Variants in RFTN1 observed in about 807,000 individuals in gnomAD.
The protein encoded by RFTN1 is raftlin.
RFTN1 carries 26 observed loss-of-function variants against 46.5 expected under a neutral mutation model. The ratio of observed to expected loss-of-function variants is 0.56; its 90% CI spans 0.41 to 0.78. RFTN1 has a LOEUF of 0.78. RFTN1 is among the 30% of genes least tolerant of loss of function. The probability of loss-of-function intolerance (pLI) is 0.00; values close to 1 mark genes in which losing one functional copy is unlikely to be tolerated. For missense variants in RFTN1, 693 were observed against 718.7 expected, an observed-to-expected ratio of 0.96 and a Z score of 0.41; for synonymous variants, 261 against 284.2, an observed-to-expected ratio of 0.92 and a Z score of 0.82.
At chr3:16,454,458 T>C (rs1018055928) in intron 2 of RFTN1, among the ~76,000 whole-genome samples, 1 of 152,102 alleles carries the variant, frequency 6.6e-6, no homozygotes, top group African/African-American at 2.4e-5. Flanking sequence ...CCAGGGCCAT[T>C]GACTTGTTTG....
intron 2 of RFTN1, among the ~76,000 whole-genome samples, chr3:16,445,319 C>T (rs766815536): frequency 2.6e-5 from 4 of 151,942 alleles, no homozygotes; most frequent in Non-Finnish European, 5.9e-5. Flanking sequence ...GAGAGAGAGA[C>T]AAAAAGGAGA....
intron 5 of RFTN1, 42 bp downstream of exon 5, chr3:16,377,676 G>A: frequency 6.5e-7 from 1 of 1,532,300 alleles, no homozygotes; most frequent in Non-Finnish European, 8.8e-7. Flanking sequence ...GCTGTTAGCT[G>A]CTCTTTAAGT....
At chr3:16,347,161 C>T (rs991950043) in intron 7 of RFTN1, among the ~76,000 whole-genome samples, 2 of 152,208 alleles carry the variant, frequency 1.3e-5, no homozygotes, top group African/African-American at 4.8e-5. Context: ...CACTATGGCT[C>T]CCTTCAACCC....
At chr3:16,357,290 G>C (rs17200269) in intron 7 of RFTN1, among the ~76,000 whole-genome samples, 37,446 of 152,008 alleles carry the variant, frequency 0.25, 4,798 homozygotes, top group Middle Eastern at 0.32. Context: ...ACCCACTAGT[G>C]AATCTTGGAA....
intron 4 of RFTN1, among the ~76,000 whole-genome samples, chr3:16,408,088 G>A (rs1166425265): frequency 3.3e-5 from 5 of 152,070 alleles, no homozygotes; most frequent in Admixed American, 1.3e-4. Context: ...CCCTGTCCCA[G>A]CTGTCTCTGG....
chr3:16,501,510 A>G (rs2076709906), intron 1 of RFTN1, among the ~76,000 whole-genome samples: 1 of 152,220 alleles, frequency 6.6e-6, no homozygotes, highest in Non-Finnish European at 1.5e-5. Context: ...CTCATTTGCC[A>G]CACTTGCTGC....
chr3:16,466,934 T>C lies in RFTN1; in HGVS notation c.145+26791A>G, dbSNP rs1365103731. Among the ~76,000 whole-genome samples the C allele has an allele frequency of 6.6e-6, 1 of 152,154 alleles. No homozygotes were observed. The highest frequency in any genetic ancestry group is 1.5e-5 in the Non-Finnish European group (1 of 68,024). ...AGGATAAAAAGGAAGGTCACTCTGA[T>C]TGAAGAGGAGATGGTTAGTAGGGGG... On this transcript the variant is annotated intron_variant, in intron 2 of 9. Transcript: ENST00000334133. This position sits in a 1 kb window ranked among gnomAD's most constrained non-coding sequence, Gnocchi z 5.6.
At chr3:16,358,073 TGG>T (rs113108751) in intron 6 of RFTN1, 26 bp from the exon 7 acceptor site, 5 of 384,932 alleles carry the variant, frequency 1.3e-5, no homozygotes, top group African/African-American at 4.3e-5. Context: ...AAGGCGGGGG[TGG>T]GGGGGGTCTG....
chr3:16,473,901 A>G lies in RFTN1; in HGVS notation c.145+19824T>C, dbSNP rs751886183. ...TTGTGAACACTGACTTCTCTGACCA[A>G]TGCCTGTGGTCCTGGTGACCTGGGC... On this transcript the variant is annotated intron_variant, in intron 2 of 9. Transcript: ENST00000334133. This position sits in a 1 kb window ranked among gnomAD's most constrained non-coding sequence, Gnocchi z 5.3. Among the ~76,000 whole-genome samples, 1 of 152,134 alleles carries G rather than the reference A, an allele frequency of 6.6e-6. No homozygotes were observed. The highest frequency in any genetic ancestry group is 6.5e-5 in the Admixed American group (1 of 15,280).
At chr3:16,358,753 C>A (rs1043165361) in intron 6 of RFTN1, among the ~76,000 whole-genome samples, 21 of 152,018 alleles carry the variant, frequency 1.4e-4, no homozygotes, top group Admixed American at 8.5e-4. Flanking sequence ...ATAGAACAGG[C>A]CAGGCGCAGT....
rs1052236364 is a variant in RFTN1 at position 16,317,919 on chromosome 3, G to T, written c.1333-687C>A. Among the ~76,000 whole-genome samples the T allele has an allele frequency of 1.3e-5, 2 of 152,158 alleles. No individual in the cohort carries two copies. Among genetic ancestry groups the T allele is most frequent in the Non-Finnish European group, 2.9e-5 (2 of 68,032 alleles). On this transcript the variant is annotated intron_variant, in intron 9 of 9. Transcript: ENST00000334133. This position sits in a 1 kb window ranked among gnomAD's most constrained non-coding sequence, Gnocchi z 4.3. ...GCCATCCCAGCTCCAAGCCAACCTGGGGGATTGTGACTGCATCACAGCCCA... is the reference window on the plus strand; with the variant it reads ...GCCATCCCAGCTCCAAGCCAACCTGTGGGATTGTGACTGCATCACAGCCCA...
At position 16,434,021 on chromosome 3, in the gene RFTN1, G is replaced by A; in HGVS notation, c.162C>T (p.Ser54=). 5 of 1,602,856 alleles carry A rather than the reference G, an allele frequency of 3.1e-6. No homozygotes were observed. Among genetic ancestry groups the A allele is most frequent in the Non-Finnish European group, 4.3e-6 (5 of 1,175,922 alleles). The change falls in exon 3 of 10, where the codon TCC becomes TCT. Residue 54 remains serine, a synonymous_variant. Coordinates refer to ENST00000334133, the MANE Select transcript of RFTN1 (RefSeq NM_015150.2). The stretch of plus-strand genomic sequence containing the variant: ...GCAGGGAGGCCAGCCTCACTGCTGA[G>A]GACCCAGGGAGCTCCGCTGGAGTGG... ...TTLSAAELPG[S]SAVRLASLRD... is the part of the protein sequence containing the mutation.
chr3:16,442,467 G>A lies in RFTN1; in HGVS notation c.146-8430C>T, dbSNP rs1233508206. Among the ~76,000 whole-genome samples the A allele has an allele frequency of 6.6e-6, 1 of 152,040 alleles. No individual in the cohort carries two copies. Among genetic ancestry groups the A allele is most frequent in the Non-Finnish European group, 1.5e-5 (1 of 68,024 alleles). On this transcript the variant is annotated intron_variant, in intron 2 of 9. Coordinates refer to ENST00000334133, the MANE Select transcript of RFTN1 (RefSeq NM_015150.2). This position sits in a 1 kb window ranked among gnomAD's most constrained non-coding sequence, Gnocchi z 4.1. Reference sequence around the variant, plus strand: ...TTAAATTTTAATGGATTTTTGTTGTGTATATTCAAGGTGTACAACATGATG... The same window carrying A: ...TTAAATTTTAATGGATTTTTGTTGTATATATTCAAGGTGTACAACATGATG...
In RFTN1 at chr3:16,426,596, A is replaced by G. The variant is rs1459551333; in HGVS notation, c.332+7255T>C. 1.3e-5 allele frequency among the ~76,000 whole-genome samples: 2 copies of G among 152,200 alleles called. No homozygotes were observed. Among genetic ancestry groups the G allele is most frequent in the East Asian group, 3.9e-4 (2 of 5,172 alleles). On this transcript the variant is annotated intron_variant, in intron 3 of 9. Coordinates refer to ENST00000334133, the MANE Select transcript of RFTN1 (RefSeq NM_015150.2). This position sits in a 1 kb window ranked among gnomAD's most constrained non-coding sequence, Gnocchi z 5.9. Reference sequence around the variant, plus strand: ...TTGAATGTCTTTTAAAAGAAAAAGAAGAGTGAAAAATAATGGACATCTATT... The same window carrying G: ...TTGAATGTCTTTTAAAAGAAAAAGAGGAGTGAAAAATAATGGACATCTATT...
chr3:16,326,739 TC>T, intron 8 of RFTN1, 33 bp downstream of exon 8: 1 of 1,494,710 alleles, frequency 6.7e-7, no homozygotes, highest in Non-Finnish European at 9.3e-7. Flanking sequence ...GAGTAAGTGT[TC>T]AATAGAATCC....
At position 16,335,892 on chromosome 3, in the gene RFTN1, A is replaced by C. The variant is rs2070798525; in HGVS notation, c.1147-9016T>G. Among the ~76,000 whole-genome samples the C allele has an allele frequency of 6.6e-6, 1 of 152,192 alleles. No individual in the cohort carries two copies. Among genetic ancestry groups the C allele is most frequent in the Non-Finnish European group, 1.5e-5 (1 of 68,034 alleles). ...GGTGAGGTCTCAGGAGGCCACAGGC[A>C]GGACTCCGCAGGAGGGAAGTGGCCG... On this transcript the variant is annotated intron_variant, in intron 7 of 9. Coordinates refer to ENST00000334133, the MANE Select transcript of RFTN1 (RefSeq NM_015150.2). This position sits in a 1 kb window ranked among gnomAD's most constrained non-coding sequence, Gnocchi z 4.7.
At position 16,512,553 on chromosome 3, in the gene RFTN1, G is replaced by A. The variant is rs1559384680; in HGVS notation, c.-9+889C>T. Reference sequence around the variant, plus strand: ...GCAAGCACAGAGTCACAGACAGACAGCAGGGAGCGTGCCTGGTTCTACAAC... The same window carrying A: ...GCAAGCACAGAGTCACAGACAGACAACAGGGAGCGTGCCTGGTTCTACAAC... On this transcript the variant is annotated intron_variant, in intron 1 of 9. Coordinates refer to ENST00000334133, the MANE Select transcript of RFTN1 (RefSeq NM_015150.2). This position sits in a 1 kb window ranked among gnomAD's most constrained non-coding sequence, Gnocchi z 4.3. Among the ~76,000 whole-genome samples the A allele has an allele frequency of 1.3e-5, 2 of 152,168 alleles. No individual in the cohort carries two copies. The highest frequency in any genetic ancestry group is 2.9e-5 in the Non-Finnish European group (2 of 68,038).
In RFTN1 at chr3:16,421,855, G is replaced by A. The variant is rs953170332; in HGVS notation, c.332+11996C>T. On this transcript the variant is annotated intron_variant, in intron 3 of 9. Transcript: ENST00000334133. This position sits in a 1 kb window ranked among gnomAD's most constrained non-coding sequence, Gnocchi z 4.6. ...TAATTTAGCTAAAATTACAAAAAGC[G>A]ATCCACTAATTCACCTTACTGAGAT... Among the ~76,000 whole-genome samples the A allele has an allele frequency of 3.9e-5, 6 of 152,194 alleles. No individual in the cohort carries two copies. The highest frequency in any genetic ancestry group is 7.2e-5 in the African/African-American group (3 of 41,540).
chr3:16,349,146 C>G (rs904208667), intron 7 of RFTN1: 26 of 152,210 alleles, frequency 1.7e-4, no homozygotes, highest in Non-Finnish European at 3.1e-4. Flanking sequence ...ACTGTATAAA[C>G]TAAGCTTTTC....
Sources: allele counts gnomAD v4.1 joint callset (sites outside exome capture counted in the v4.1 genomes callset), GRCh38; gene constraint gnomAD v4.1.1; non-coding constraint Gnocchi (gnomAD v3.1); transcripts MANE v1.5; gene names NCBI Gene and HGNC (gene_info 2026-07-23, HGNC 2026-07-21).